RELN: variants seen among roughly 807,000 people sequenced by gnomAD.
The protein encoded by RELN is reelin.
Under a neutral mutation model 427.6 loss-of-function variants are expected in RELN, and 108 were observed. The observed-to-expected ratio is 0.25, with a 90% CI of 0.22 to 0.30. The LOEUF is 0.30. Ranked by LOEUF, RELN falls within the 10% of genes least tolerant of loss-of-function variation. The probability of loss-of-function intolerance (pLI) is 1.00; values close to 1 mark genes in which losing one functional copy is unlikely to be tolerated. For synonymous variants in RELN, 1,524 were observed against 1,513.4 expected (o/e 1.01, Z -0.16); for missense variants, 3,715 against 4,302.8 (o/e 0.86, Z 3.82).
intron 6 of RELN, among the ~76,000 whole-genome samples, chr7:103,747,385 C>T (rs534127302): frequency 1.2e-4 from 18 of 151,556 alleles, no homozygotes; most frequent in African/African-American, 4.4e-4. Context: ...GCACGTTGTG[C>T]ACATGTACCC....
At chr7:103,854,202 G>A (rs1281017348) in intron 2 of RELN, among the ~76,000 whole-genome samples, 1 of 152,168 alleles carries the variant, frequency 6.6e-6, no homozygotes, top group Admixed American at 6.5e-5. Context: ...TTCATCTGTT[G>A]TAGTCCTTGC....
chr7:103,561,976 A>C (rs1456240377), intron 34 of RELN, 23 bp from the exon 35 acceptor site: 4 of 1,599,658 alleles, frequency 2.5e-6, no homozygotes, highest in East Asian at 2.3e-5. Flanking sequence ...AAAAAAAAAA[A>C]AACACACCAC....
intron 1 of RELN, among the ~76,000 whole-genome samples, chr7:103,959,642 G>A (rs886787824): frequency 6.6e-6 from 1 of 151,950 alleles, no homozygotes; most frequent in African/African-American, 2.4e-5. Context: ...ACAGGGTCTC[G>A]TTCCATCATC....
intron 4 of RELN, among the ~76,000 whole-genome samples, chr7:103,769,791 T>C (rs1052027283): frequency 2.0e-5 from 3 of 152,206 alleles, no homozygotes; most frequent in Non-Finnish European, 2.9e-5. Context: ...TGAATCAAGA[T>C]AGAAACACAT....
At chr7:103,949,155 A>G (rs1289276878) in intron 1 of RELN, among the ~76,000 whole-genome samples, 2 of 152,104 alleles carry the variant, frequency 1.3e-5, no homozygotes, top group Admixed American at 6.5e-5. Context: ...GTTAGTTTAA[A>G]AAGTTTTAAT....
chr7:103,951,262 T>A (rs1796325247), intron 1 of RELN, among the ~76,000 whole-genome samples: 1 of 152,222 alleles, frequency 6.6e-6, no homozygotes, highest in Non-Finnish European at 1.5e-5. Flanking sequence ...ACATTTACAA[T>A]CTATAAACAA....
intron 1 of RELN, among the ~76,000 whole-genome samples, chr7:103,926,307 G>A (rs1795734481): frequency 1.3e-5 from 2 of 151,910 alleles, no homozygotes; most frequent in African/African-American, 4.8e-5. Flanking sequence ...TGTTGGCCAG[G>A]ATGGTCTCGA....
intron 1 of RELN, among the ~76,000 whole-genome samples, chr7:103,954,690 A>G (rs1796399145): frequency 6.6e-6 from 1 of 152,222 alleles, no homozygotes; most frequent in South Asian, 2.1e-4. Context: ...CATAAAATTA[A>G]TATGTCAGAA....
At chr7:103,739,767 C>A (rs767681705) in intron 6 of RELN, among the ~76,000 whole-genome samples, 1 of 152,136 alleles carries the variant, frequency 6.6e-6, no homozygotes, top group African/African-American at 2.4e-5. Context: ...TAGCAAAGCC[C>A]CAGAGAGATC....
chr7:103,579,644 C>A (rs935154603), intron 28 of RELN, among the ~76,000 whole-genome samples: 6 of 149,448 alleles, frequency 4.0e-5, no homozygotes, highest in Admixed American at 3.3e-4. Flanking sequence ...TTTGATTATT[C>A]TATTCAAAAA....
Position 103,472,829 on chromosome 7 carries a change from G to C in RELN, c.10366C>G (p.Leu3456Val). 1 of 1,613,682 alleles carries C rather than the reference G, an allele frequency of 6.2e-7. No homozygotes were observed. Among genetic ancestry groups the C allele is most frequent in the Non-Finnish European group, 8.5e-7 (1 of 1,179,602 alleles). Reference protein sequence around the residue: ...RHFYNRRRRSLRRYP With the variant: ...RHFYNRRRRSVRRYP ...TTGATTCTTCATGGGTATCGCCTAA[G>C]TGACCTTCGTCTTCTGTTGTAGAAA... The change falls in exon 65 of 65, where the codon CTT becomes GTT. Residue 3456 changes from leucine (L) to valine (V), a missense_variant. Coordinates refer to ENST00000428762, the MANE Select transcript of RELN (RefSeq NM_005045.4).
chr7:103,825,766 T>C (rs1170729162), intron 3 of RELN, among the ~76,000 whole-genome samples: 1 of 152,154 alleles, frequency 6.6e-6, no homozygotes, highest in African/African-American at 2.4e-5. Context: ...CTGGTACAAC[T>C]GAGGAACTGA....
rs371817022 is a variant in RELN at position 103,716,902 on chromosome 7, G to C, written c.805+6238C>G. Among the ~76,000 whole-genome samples the C allele has an allele frequency of 2.3e-4, 35 of 152,254 alleles. No individual in the cohort carries two copies. In the East Asian group the frequency reaches 6.2e-3, roughly 27 times the overall value. ...TTTCATGGAGGAGTGGTGTTTGAGA[G>C]ACCATTTGGTCTACATCAATAATGA... On this transcript the variant is annotated intron_variant, in intron 8 of 64. Coordinates refer to ENST00000428762, the MANE Select transcript of RELN (RefSeq NM_005045.4).
Position 103,574,249 on chromosome 7 carries a change from C to A in RELN, c.4354G>T (p.Asp1452Tyr). ...GGGCTGAGCTTCCCCTCAAACCTAT[C>A]GAACATCTCATTGTGATTGGGGACA... is the stretch of plus-strand genomic sequence containing the variant. Reference protein sequence around the residue: ...SNVPNHNEMFDRFEGKLSPLW... With the variant: ...SNVPNHNEMFYRFEGKLSPLW... The change falls in exon 30 of 65, where the codon GAT (aspartate) becomes TAT (tyrosine). Residue 1452 changes from aspartate to tyrosine, a missense_variant. Asp to Tyr is a radical substitution (Grantham distance 160). This residue lies in a region of RELN where 2,208 missense variants were observed against 2,361.7 expected (regional missense o/e 0.93). Coordinates refer to ENST00000428762, the MANE Select transcript of RELN (RefSeq NM_005045.4). 6.2e-7 allele frequency: 1 copy of A among 1,614,110 alleles called. No individual in the cohort carries two copies. The highest frequency in any genetic ancestry group is 8.5e-7 in the Non-Finnish European group (1 of 1,180,016).
intron 60 of RELN, 44 bp from the exon 61 acceptor site, chr7:103,486,460 G>T: frequency 7.0e-7 from 1 of 1,423,358 alleles, no homozygotes. Context: ...GGACCAACCA[G>T]AGTCATTCAA....
At chr7:103,925,489 A>AT (rs1329370336) in intron 1 of RELN, among the ~76,000 whole-genome samples, 1 of 152,046 alleles carries the variant, frequency 6.6e-6, no homozygotes, top group Non-Finnish European at 1.5e-5. Flanking sequence ...CTCTGACCTT[A>AT]TTTTTCACGT....
chr7:103,550,883 A>G (rs542581664), intron 41 of RELN, among the ~76,000 whole-genome samples, 184 bp downstream of exon 41: 1 of 152,268 alleles, frequency 6.6e-6, no homozygotes. Context: ...TCTACCTTCC[A>G]ACTAGAAATT....
chr7:103,830,940 T>A (rs1453306908), intron 3 of RELN, among the ~76,000 whole-genome samples: 1 of 152,134 alleles, frequency 6.6e-6, no homozygotes, highest in Non-Finnish European at 1.5e-5. Flanking sequence ...TGTGTAAACT[T>A]TTTTGTAGTC....
intron 44 of RELN, 141 bp downstream of exon 44, chr7:103,540,056 A>G: frequency 1.2e-6 from 1 of 825,324 alleles, no homozygotes; most frequent in Non-Finnish European, 2.0e-6. Flanking sequence ...TATCTAATCT[A>G]GCTGCGTGCC....
Sources: gnomAD v4.1 joint callset for allele counts (sites outside exome capture counted in the v4.1 genomes callset) on GRCh38, gnomAD v4.1.1 for gene constraint, gnomAD v4.1.1 regional missense constraint, MANE v1.5 for transcripts, NCBI Gene and HGNC (gene_info 2026-07-23, HGNC 2026-07-21) for gene names.